The following MSRA variants were observed in gnomAD, a reference collection of about 807,000 sequenced individuals.
MSRA encodes the protein methionine sulfoxide reductase A.
In MSRA, 54 loss-of-function variants were observed where a neutral mutation model predicts 31.3. That is an observed-to-expected ratio of 1.73 (90% CI 1.39 to 2.17). MSRA has a LOEUF of 2.17. MSRA is among the 30% of genes most tolerant of loss of function. The pLI is 0.00. For missense variants in MSRA, 507 were observed against 300.9 expected, an observed-to-expected ratio of 1.69 and a Z score of -5.07; for synonymous variants, 169 against 116.5, an observed-to-expected ratio of 1.45 and a Z score of -2.90.
At chr8:10,385,753 AC>A (rs1446293331) in intron 5 of MSRA, among the ~76,000 whole-genome samples, 2 of 144,282 alleles carry the variant, frequency 1.4e-5, no homozygotes, top group African/African-American at 5.0e-5. Flanking sequence ...AGCCACATTT[AC>A]CTGGTTTCTG....
At chr8:10,107,319 T>C (rs1320237686) in intron 1 of MSRA, among the ~76,000 whole-genome samples, 2 of 152,126 alleles carry the variant, frequency 1.3e-5, no homozygotes, top group Admixed American at 6.5e-5. Flanking sequence ...ATAAACACTC[T>C]AGAGTTTTAG....
At chr8:10,140,429 A>G (rs1802605777) in intron 1 of MSRA, among the ~76,000 whole-genome samples, 3 of 152,204 alleles carry the variant, frequency 2.0e-5, no homozygotes, top group Middle Eastern at 3.4e-3. Context: ...AAGATTTCCT[A>G]TTTTTATTTT....
At chr8:10,367,877 G>C (rs924345600) in intron 5 of MSRA, among the ~76,000 whole-genome samples, 1 of 152,216 alleles carries the variant, frequency 6.6e-6, no homozygotes, top group Non-Finnish European at 1.5e-5. Context: ...GCCCAAGTGA[G>C]GGGGGAAAGC....
intron 3 of MSRA, among the ~76,000 whole-genome samples, chr8:10,270,556 G>A (rs1798978033): frequency 6.6e-6 from 1 of 152,204 alleles, no homozygotes; most frequent in Admixed American, 6.5e-5. Context: ...CATAAGGACT[G>A]CTAGAGGAGG....
chr8:10,296,888 A>G (rs1466905426), intron 3 of MSRA, among the ~76,000 whole-genome samples: 1 of 152,184 alleles, frequency 6.6e-6, no homozygotes, highest in Non-Finnish European at 1.5e-5. Flanking sequence ...ACCTGCTGGC[A>G]TCTCACCACA....
At chr8:10,312,145 C>G (rs915160721) in intron 4 of MSRA, among the ~76,000 whole-genome samples, 1 of 151,896 alleles carries the variant, frequency 6.6e-6, no homozygotes, top group African/African-American at 2.4e-5. Flanking sequence ...AAATTCAACC[C>G]AAACAGTATA....
intron 1 of MSRA, among the ~76,000 whole-genome samples, chr8:10,117,951 A>G (rs561544624): frequency 2.6e-5 from 4 of 152,332 alleles, no homozygotes; most frequent in African/African-American, 9.6e-5. Context: ...CTGAAGGTAG[A>G]ACATAAACAA....
At chr8:10,367,829 C>G (rs1419946559) in intron 5 of MSRA, among the ~76,000 whole-genome samples, 1 of 152,210 alleles carries the variant, frequency 6.6e-6, no homozygotes, top group Non-Finnish European at 1.5e-5. Context: ...TGGGATGAGG[C>G]AGGCCTCATG....
chr8:10,382,974 A>T (rs1307316792), intron 5 of MSRA, among the ~76,000 whole-genome samples: 1 of 152,156 alleles, frequency 6.6e-6, no homozygotes, highest in Non-Finnish European at 1.5e-5. Context: ...GCAGTGCTGG[A>T]TGTGAGAGGA....
At chr8:10,273,139 T>G (rs895019889) in intron 3 of MSRA, among the ~76,000 whole-genome samples, 6 of 152,206 alleles carry the variant, frequency 3.9e-5, no homozygotes, top group African/African-American at 1.2e-4. Context: ...TAGCATTCAG[T>G]AGGAACTATT....
rs184239056 is a variant in MSRA at position 10,266,258 on chromosome 8, T to C, written c.331+21035T>C. Among the ~76,000 whole-genome samples, 130 of 152,374 alleles carry C rather than the reference T, an allele frequency of 8.5e-4. 1 individual carries two copies. Among genetic ancestry groups the C allele is most frequent in the African/African-American group, 3.1e-3 (129 of 41,590 alleles). The stretch of plus-strand genomic sequence containing the variant: ...TCTTCACTTGCTCATTAGCAGTTGG[T>C]ATGGCCAGTCTTTTTACTTCTAGTG... On this transcript the variant is annotated intron_variant, in intron 3 of 5. Coordinates refer to ENST00000317173, the MANE Select transcript of MSRA (RefSeq NM_012331.5).
chr8:10,192,451 C>T (rs903863535), intron 1 of MSRA, among the ~76,000 whole-genome samples: 4 of 152,170 alleles, frequency 2.6e-5, no homozygotes, highest in Admixed American at 1.3e-4. Context: ...CACCCTGAGC[C>T]AGAAACACCC....
chr8:10,288,225 C>G (rs978786049), intron 3 of MSRA, among the ~76,000 whole-genome samples: 5 of 152,154 alleles, frequency 3.3e-5, no homozygotes, highest in Non-Finnish European at 7.4e-5. Flanking sequence ...ACATTTCTCT[C>G]TTGTCTCCCC....
At chr8:10,428,041 C>A (rs1474247729) in intron 5 of MSRA, 107 bp from the exon 6 acceptor site, 2 of 1,271,678 alleles carry the variant, frequency 1.6e-6, no homozygotes, top group Non-Finnish European at 2.1e-6. Context: ...CACTGCACAT[C>A]CCAAGCCACG....
At chr8:10,118,676 G>A (rs1563116529) in intron 1 of MSRA, among the ~76,000 whole-genome samples, 1 of 152,028 alleles carries the variant, frequency 6.6e-6, no homozygotes, top group Non-Finnish European at 1.5e-5. Flanking sequence ...GCTGCCCCTG[G>A]CCTTGGCACT....
intron 4 of MSRA, among the ~76,000 whole-genome samples, chr8:10,315,195 A>C (rs1381858566): frequency 6.6e-6 from 1 of 152,178 alleles, no homozygotes; most frequent in Non-Finnish European, 1.5e-5. Context: ...TTTTCCCATG[A>C]CACGTGGGGA....
At chr8:10,069,145 T>G (rs1325747944) in intron 1 of MSRA, among the ~76,000 whole-genome samples, 1 of 151,984 alleles carries the variant, frequency 6.6e-6, no homozygotes, top group Non-Finnish European at 1.5e-5. Flanking sequence ...CTTGCTGTAA[T>G]TTCTTATTAG....
At chr8:10,231,867 C>T (rs1437804313) in intron 2 of MSRA, among the ~76,000 whole-genome samples, 1 of 152,110 alleles carries the variant, frequency 6.6e-6, no homozygotes, top group Non-Finnish European at 1.5e-5. Flanking sequence ...TGCATCACTG[C>T]ACTCCAGCCT....
At chr8:10,309,079 CTAAT>C (rs1801293566) in intron 4 of MSRA, among the ~76,000 whole-genome samples, 1 of 152,196 alleles carries the variant, frequency 6.6e-6, no homozygotes, top group Non-Finnish European at 1.5e-5. Flanking sequence ...CCTGCCCACC[CTAAT>C]TAAAGTAGCA....
Sources: allele counts gnomAD v4.1 joint callset (sites outside exome capture counted in the v4.1 genomes callset), GRCh38; gene constraint gnomAD v4.1.1; transcripts MANE v1.5; gene names NCBI Gene and HGNC (gene_info 2026-07-23, HGNC 2026-07-21).